XKR9: variants seen among roughly 807,000 people sequenced by gnomAD.
XKR9 encodes XK related 9.
XKR9 carries 32 observed loss-of-function variants against 32.0 expected under a neutral mutation model. The observed-to-expected ratio is 1.00, with a 90% CI of 0.76 to 1.34. The LOEUF (loss-of-function observed/expected upper bound fraction) is 1.34. Among genes scored for constraint, XKR9 ranks in the 40% most tolerant of loss-of-function variants. XKR9 has a pLI of 0.00. For missense variants in XKR9, 546 were observed against 429.7 expected, an observed-to-expected ratio of 1.27 and a Z score of -2.39; for synonymous variants, 168 against 143.4, an observed-to-expected ratio of 1.17 and a Z score of -1.22.
intron 3 of XKR9, among the ~76,000 whole-genome samples, chr8:70,700,290 G>GT (rs1201463882): frequency 1.3e-5 from 2 of 152,124 alleles, no homozygotes; most frequent in East Asian, 1.9e-4. Context: ...TTTCTGCTCT[G>GT]TTTTTTCCCC....
the XKR9 span, among the ~76,000 whole-genome samples, chr8:70,939,453 T>C: frequency 6.6e-6 from 1 of 152,068 alleles, no homozygotes; most frequent in Non-Finnish European, 1.5e-5. Flanking sequence ...TGTTTAAGGG[T>C]ATACATTCAT....
the XKR9 span, among the ~76,000 whole-genome samples, chr8:70,949,083 C>T: frequency 6.6e-6 from 1 of 152,080 alleles, no homozygotes; most frequent in Admixed American, 6.5e-5. Flanking sequence ...CTTGTATGGG[C>T]TGGGATGTCT....
chr8:70,749,977 TA>T (rs1201683375), intron 2 of XKR9, among the ~76,000 whole-genome samples: 1 of 152,166 alleles, frequency 6.6e-6, no homozygotes, highest in Non-Finnish European at 1.5e-5. Context: ...AATTGCAAAT[TA>T]TTTTCTGGGA....
At chr8:70,961,510 G>A in the XKR9 span, among the ~76,000 whole-genome samples, 3 of 152,206 alleles carry the variant, frequency 2.0e-5, no homozygotes, top group South Asian at 2.1e-4. Context: ...ATTCCAAAAC[G>A]ACCAAGTCTT....
At chr8:70,824,608 T>C in the XKR9 span, among the ~76,000 whole-genome samples, 1 of 152,108 alleles carries the variant, frequency 6.6e-6, no homozygotes, top group Non-Finnish European at 1.5e-5. Flanking sequence ...TGCCAACTTT[T>C]GCCTACTGAG....
chr8:70,895,200 CT>C, the XKR9 span, among the ~76,000 whole-genome samples: 1 of 152,092 alleles, frequency 6.6e-6, no homozygotes, highest in African/African-American at 2.4e-5. Context: ...TAGTTTCCAG[CT>C]GATCCCATTT....
At chr8:70,990,698 T>C in the XKR9 span, among the ~76,000 whole-genome samples, 1 of 150,896 alleles carries the variant, frequency 6.6e-6, no homozygotes, top group African/African-American at 2.4e-5. Context: ...AGAAAAATTC[T>C]CTGAGACTGA....
At chr8:70,801,951 T>C in the XKR9 span, among the ~76,000 whole-genome samples, 175 of 151,632 alleles carry the variant, frequency 1.2e-3, 6 homozygotes, top group South Asian at 0.036. Flanking sequence ...TTTTTTTTTT[T>C]TGAGATGGAG....
At chr8:70,726,268 A>T (rs1806467002) in intron 4 of XKR9, among the ~76,000 whole-genome samples, 1 of 152,240 alleles carries the variant, frequency 6.6e-6, no homozygotes, top group Non-Finnish European at 1.5e-5. Flanking sequence ...CATTTTAAGA[A>T]TGGATGAAAC....
chr8:70,922,435 G>A, the XKR9 span, among the ~76,000 whole-genome samples: 4 of 152,236 alleles, frequency 2.6e-5, no homozygotes, highest in African/African-American at 9.6e-5. Flanking sequence ...CCTTTTGGGG[G>A]GATAATTACC....
At chr8:70,676,147 C>T (rs879941531) in intron 2 of XKR9, among the ~76,000 whole-genome samples, 18 of 152,150 alleles carry the variant, frequency 1.2e-4, no homozygotes, top group Non-Finnish European at 1.9e-4. Flanking sequence ...GAAGAGGAAG[C>T]ACGTGTCTCA....
At chr8:70,815,864 G>A in the XKR9 span, among the ~76,000 whole-genome samples, 2 of 151,934 alleles carry the variant, frequency 1.3e-5, no homozygotes, top group African/African-American at 2.4e-5. Context: ...TGGTATATGC[G>A]CACCACATTT....
At chr8:70,764,530 A>G (rs1388720874) in intron 2 of XKR9, among the ~76,000 whole-genome samples, 2 of 152,184 alleles carry the variant, frequency 1.3e-5, no homozygotes, top group Non-Finnish European at 2.9e-5. Flanking sequence ...ATGAAAGTCT[A>G]TGATTAAGAT....
chr8:70,888,180 T>C, the XKR9 span, among the ~76,000 whole-genome samples: 1 of 152,092 alleles, frequency 6.6e-6, no homozygotes, highest in African/African-American at 2.4e-5. Context: ...TTTGAATCTG[T>C]TAACCAGTCT....
chr8:71,062,341 T>A, the XKR9 span, among the ~76,000 whole-genome samples: 2 of 152,212 alleles, frequency 1.3e-5, no homozygotes, highest in South Asian at 4.1e-4. Flanking sequence ...GACCAAGGTG[T>A]CAAGAGATTG....
chr8:70,736,450 G>A (rs1223314581), downstream of XKR9, among the ~76,000 whole-genome samples: 1 of 152,090 alleles, frequency 6.6e-6, no homozygotes, highest in Non-Finnish European at 1.5e-5. Context: ...TTCTTTTGCT[G>A]TGCAGAAGCT....
the XKR9 span, among the ~76,000 whole-genome samples, chr8:70,855,211 AAGAAG>A: frequency 6.6e-6 from 1 of 152,050 alleles, no homozygotes; most frequent in African/African-American, 2.4e-5. Context: ...ACCGATGGCA[AAGAAG>A]TTAAGAACCT....
At chr8:70,833,647 A>C in the XKR9 span, among the ~76,000 whole-genome samples, 4 of 152,152 alleles carry the variant, frequency 2.6e-5, no homozygotes, top group Admixed American at 6.6e-5. Flanking sequence ...TTTTGCAAAT[A>C]CTGATGCCCA....
At chr8:71,019,570 G>C in the XKR9 span, among the ~76,000 whole-genome samples, 1 of 152,174 alleles carries the variant, frequency 6.6e-6, no homozygotes, top group Non-Finnish European at 1.5e-5. Context: ...GAGTCTTTAG[G>C]AGAACACAGG....
Sources: allele counts gnomAD v4.1 joint callset (sites outside exome capture counted in the v4.1 genomes callset), GRCh38; gene constraint gnomAD v4.1.1; transcripts MANE v1.5; gene names NCBI Gene and HGNC (gene_info 2026-07-23, HGNC 2026-07-21).